TRIM5: variants seen among roughly 807,000 people sequenced by gnomAD.
The protein encoded by TRIM5 is tripartite motif containing 5.
Under a neutral mutation model 35.6 loss-of-function variants are expected in TRIM5, and 31 were observed. That is an observed-to-expected ratio of 0.87 (90% CI 0.65 to 1.18). TRIM5 has a LOEUF of 1.18. Ranked by LOEUF, TRIM5 falls within the 50% of genes most tolerant of loss-of-function variation. TRIM5 has a pLI of 0.00. For missense variants in TRIM5, 609 were observed against 591.6 expected (o/e 1.03, Z -0.31); for synonymous variants, 243 against 215.6 (o/e 1.13, Z -1.11).
At chr11:5,654,843 A>G in the TRIM5 span, among the ~76,000 whole-genome samples, 1 of 152,192 alleles carries the variant, frequency 6.6e-6, no homozygotes, top group East Asian at 1.9e-4. Flanking sequence ...CACCACAAAA[A>G]TAGCAGAATT....
At chr11:5,628,758 C>G in the TRIM5 span, among the ~76,000 whole-genome samples, 2 of 152,008 alleles carry the variant, frequency 1.3e-5, no homozygotes, top group African/African-American at 4.8e-5. Context: ...GAATTTGTAT[C>G]ACAGCTCAGG....
chr11:5,641,110 A>G, the TRIM5 span: 1 of 1,537,332 alleles, frequency 6.5e-7, no homozygotes, highest in East Asian at 2.3e-5. Context: ...TCTTTCTTTC[A>G]TTAGTCTTAC....
the TRIM5 span, chr11:5,642,687 T>C: frequency 6.0e-6 from 8 of 1,336,818 alleles, no homozygotes; most frequent in Non-Finnish European, 7.8e-6. Context: ...GTCTCTGGTT[T>C]ATCTTTTTAA....
At chr11:5,611,639 G>A in the TRIM5 span, 1 of 296,288 alleles carries the variant, frequency 3.4e-6, no homozygotes, top group Non-Finnish European at 6.3e-6. Flanking sequence ...TTTTTATAGA[G>A]ATAGGGTTTC....
intron 4 of TRIM5, among the ~76,000 whole-genome samples, chr11:5,674,519 C>T (rs531988649): frequency 6.6e-6 from 1 of 152,328 alleles, no homozygotes; most frequent in South Asian, 2.1e-4. Context: ...CAAATGTTAC[C>T]TCAGACCCTA....
At chr11:5,606,318 T>C in the TRIM5 span, among the ~76,000 whole-genome samples, 3 of 151,562 alleles carry the variant, frequency 2.0e-5, 1 homozygote, top group South Asian at 6.2e-4. Flanking sequence ...GTATCAAGCC[T>C]AGAGAGATTT....
At chr11:5,643,125 A>ATATT in the TRIM5 span, 113 of 974,520 alleles carry the variant, frequency 1.2e-4, no homozygotes, top group African/African-American at 1.1e-3. Flanking sequence ...ATATATATAT[A>ATATT]TTTTTTTTTT....
the TRIM5 span, chr11:5,632,637 G>C: frequency 6.2e-7 from 1 of 1,613,124 alleles, no homozygotes; most frequent in Non-Finnish European, 8.5e-7. Flanking sequence ...ATCATGGAGA[G>C]AAACTCCTAC....
chr11:5,643,512 C>A, the TRIM5 span: 1 of 1,614,166 alleles, frequency 6.2e-7, no homozygotes, highest in South Asian at 1.1e-5. Context: ...GGTTTTGACT[C>A]TCTCCATGGC....
the TRIM5 span, among the ~76,000 whole-genome samples, chr11:5,596,373 C>T: frequency 3.3e-5 from 5 of 151,888 alleles, no homozygotes; most frequent in South Asian, 2.1e-4. Flanking sequence ...GGGAATAGGC[C>T]GTGTAAAGAG....
Position 5,682,024 on chromosome 11 carries a change from C to G in TRIM5, c.-61-1786G>C, listed in dbSNP as rs1028422955. The stretch of plus-strand genomic sequence containing the variant: ...ATATTGGCCAGTCTGGTCTCCAACT[C>G]CTGACCTTGTGATCCACCTGCCTCG... On this transcript the variant is annotated intron_variant, in intron 1 of 7. Coordinates refer to ENST00000380034, the MANE Select transcript of TRIM5 (RefSeq NM_033034.3). Among the ~76,000 whole-genome samples the G allele has an allele frequency of 3.3e-5, 5 of 152,108 alleles. No individual in the cohort carries two copies. The East Asian group carries it at 5.9e-4, about 18-fold the overall frequency.
At position 5,679,159 on chromosome 11, in the gene TRIM5, T is replaced by G. The variant is rs781687120; in HGVS notation, c.428A>C (p.Gln143Pro). The G allele has an allele frequency of 6.2e-7, 1 of 1,613,894 alleles. No homozygotes were observed. The highest frequency in any genetic ancestry group is 2.2e-5 in the East Asian group (1 of 44,878). Residue 143 changes from glutamine to proline, a missense_variant, in exon 3 of 8, where the codon CAG becomes CCG. Physicochemically the swap from Gln to Pro is moderately conservative, Grantham distance 76. Transcript: ENST00000380034. Reference sequence around the variant, plus strand: ...CTGCCTCAGCATCTCCAGAGCTGCCTGGAGCTTCACCTGTGAGAAAGGAAT... The same window carrying G: ...CTGCCTCAGCATCTCCAGAGCTGCCGGGAGCTTCACCTGTGAGAAAGGAAT... Reference protein sequence around the residue: ...EVAREYQVKLQAALEMLRQKQ... With the variant: ...EVAREYQVKLPAALEMLRQKQ...
intron 1 of TRIM5, among the ~76,000 whole-genome samples, chr11:5,683,277 G>A (rs1002748602): frequency 1.3e-5 from 2 of 152,238 alleles, no homozygotes; most frequent in African/African-American, 4.8e-5. Context: ...CCCAAGGGCT[G>A]AGGAGTGCAG....
At chr11:5,659,585 T>C (rs1170145107), downstream of TRIM5, among the ~76,000 whole-genome samples, 2 of 152,240 alleles carry the variant, frequency 1.3e-5, no homozygotes, top group African/African-American at 4.8e-5. Flanking sequence ...CTGTAATTCA[T>C]ATTCTTTTAA....
At chr11:5,624,475 T>C in the TRIM5 span, among the ~76,000 whole-genome samples, 1 of 152,150 alleles carries the variant, frequency 6.6e-6, no homozygotes, top group Non-Finnish European at 1.5e-5. Context: ...AAGTGGATCG[T>C]TGGAGCTGAA....
the TRIM5 span, among the ~76,000 whole-genome samples, chr11:5,591,251 T>C: frequency 1.3e-5 from 2 of 152,230 alleles, no homozygotes; most frequent in Admixed American, 6.5e-5. Flanking sequence ...TATTATATAC[T>C]GTTACTGAGC....
chr11:5,623,924 T>C, the TRIM5 span, among the ~76,000 whole-genome samples: 9 of 152,192 alleles, frequency 5.9e-5, no homozygotes, highest in Non-Finnish European at 1.2e-4. Flanking sequence ...CCTTTTATTA[T>C]GTAATGTGCT....
At chr11:5,677,065 A>T (rs1852041440) in intron 4 of TRIM5, among the ~76,000 whole-genome samples, 1 of 152,128 alleles carries the variant, frequency 6.6e-6, no homozygotes, top group Non-Finnish European at 1.5e-5. Flanking sequence ...TGTCTAAAAC[A>T]CCAAAAGCAA....
chr11:5,633,631 A>G, the TRIM5 span, among the ~76,000 whole-genome samples: 3 of 152,256 alleles, frequency 2.0e-5, no homozygotes, highest in African/African-American at 7.2e-5. Flanking sequence ...CAATGAATGA[A>G]CAATACATTC....
Sources: allele counts gnomAD v4.1 joint callset (sites outside exome capture counted in the v4.1 genomes callset), GRCh38; gene constraint gnomAD v4.1.1; transcripts MANE v1.5; gene names NCBI Gene and HGNC (gene_info 2026-07-23, HGNC 2026-07-21).